Variants in FHIT observed in about 807,000 individuals in gnomAD.
FHIT encodes fragile histidine triad diadenosine triphosphatase, also known as bis(5'-adenosyl)-triphosphatase.
FHIT carries 19 observed loss-of-function variants against 17.9 expected under a neutral mutation model. That is an observed-to-expected ratio of 1.06 (90% CI 0.74 to 1.56). FHIT has a LOEUF of 1.56. Among genes scored for constraint, FHIT ranks in the 40% most tolerant of loss-of-function variants. The pLI is 0.00. For missense variants in FHIT, 248 were observed against 189.2 expected, an observed-to-expected ratio of 1.31 and a Z score of -1.82; for synonymous variants, 81 against 69.7, an observed-to-expected ratio of 1.16 and a Z score of -0.81.
intron 5 of FHIT, among the ~76,000 whole-genome samples, chr3:60,057,062 T>G (rs932924055): frequency 4.6e-5 from 7 of 152,180 alleles, no homozygotes; most frequent in African/African-American, 1.7e-4. Flanking sequence ...CTATTATGCA[T>G]GTCTTCATTC....
chr3:60,368,898 C>G (rs955666801), intron 5 of FHIT, among the ~76,000 whole-genome samples: 1 of 151,900 alleles, frequency 6.6e-6, no homozygotes, highest in Non-Finnish European at 1.5e-5. Flanking sequence ...GCTCAAAGTT[C>G]ACTGACCTTT....
chr3:60,804,358 C>G (rs2106681058), intron 4 of FHIT, among the ~76,000 whole-genome samples: 1 of 152,254 alleles, frequency 6.6e-6, no homozygotes, highest in South Asian at 2.1e-4. Flanking sequence ...AATCTATCGA[C>G]CCCCAGTACT....
intron 2 of FHIT, among the ~76,000 whole-genome samples, chr3:61,067,534 G>A (rs968319632): frequency 2.0e-5 from 3 of 146,908 alleles, no homozygotes; most frequent in African/African-American, 7.6e-5. Context: ...TTGGGGGTCA[G>A]CCACATAGAC....
intron 5 of FHIT, among the ~76,000 whole-genome samples, chr3:60,493,092 C>A (rs1033433760): frequency 2.0e-5 from 3 of 152,050 alleles, no homozygotes; most frequent in Non-Finnish European, 4.4e-5. Context: ...ATGGTTCTTA[C>A]TTGTCGAGAA....
At chr3:59,801,607 T>G (rs1195140815) in intron 8 of FHIT, among the ~76,000 whole-genome samples, 1 of 151,996 alleles carries the variant, frequency 6.6e-6, no homozygotes, top group Non-Finnish European at 1.5e-5. Flanking sequence ...TAAGCCTAAA[T>G]TTTATTAAAC....
chr3:60,036,978 G>C (rs150400076), intron 5 of FHIT, among the ~76,000 whole-genome samples: 199 of 152,296 alleles, frequency 1.3e-3, no homozygotes, highest in African/African-American at 4.6e-3. Flanking sequence ...TGCCTCTAGT[G>C]AAAGGAGATT....
intron 7 of FHIT, among the ~76,000 whole-genome samples, chr3:60,009,286 A>G (rs1700051786): frequency 6.7e-6 from 1 of 149,580 alleles, no homozygotes; most frequent in South Asian, 2.1e-4. Context: ...TATCCCCATT[A>G]TTTCATATCA....
intron 7 of FHIT, among the ~76,000 whole-genome samples, chr3:59,988,578 G>C (rs148796684): frequency 1.3e-5 from 2 of 151,804 alleles, no homozygotes; most frequent in Non-Finnish European, 2.9e-5. Context: ...TGTATCTGGC[G>C]CTCCTCTAAG....
intron 5 of FHIT, chr3:60,077,463 A>T (rs1202411047): frequency 6.6e-6 from 1 of 152,114 alleles, no homozygotes; most frequent in East Asian, 1.9e-4. Flanking sequence ...TGGCTCCATT[A>T]ATGGGACAGG....
intron 5 of FHIT, among the ~76,000 whole-genome samples, chr3:60,523,271 T>C (rs1429404495): frequency 2.0e-5 from 3 of 152,194 alleles, no homozygotes; most frequent in African/African-American, 7.2e-5. Context: ...TGCACTAATC[T>C]CACTTTTGGT....
chr3:60,561,039 G>T (rs12054454), intron 4 of FHIT, among the ~76,000 whole-genome samples: 1 of 151,782 alleles, frequency 6.6e-6, no homozygotes, highest in East Asian at 2.0e-4. Context: ...ACAAACATCA[G>T]CTGAATGAAC....
chr3:60,335,432 A>AATTC (rs1365588739), intron 5 of FHIT, among the ~76,000 whole-genome samples: 1 of 152,208 alleles, frequency 6.6e-6, no homozygotes, highest in Non-Finnish European at 1.5e-5. Flanking sequence ...TGATAAACTG[A>AATTC]AGATCTCTGC....
intron 2 of FHIT, among the ~76,000 whole-genome samples, chr3:61,053,344 T>C (rs2034096375): frequency 2.0e-5 from 3 of 152,260 alleles, no homozygotes; most frequent in East Asian, 3.9e-4. Context: ...AAGAAGTTAA[T>C]GATTCTTGGG....
At chr3:60,113,739 C>T (rs79424112) in intron 5 of FHIT, among the ~76,000 whole-genome samples, 16,469 of 150,958 alleles carry the variant, frequency 0.11, 1,105 homozygotes, top group Admixed American at 0.15. Flanking sequence ...CGGTGGCTCA[C>T]ACCTGTTATC....
Position 60,981,361 on chromosome 3 carries a change from G to A in FHIT, c.-111+60686C>T, listed in dbSNP as rs142629836. ...ACTCTGTCACCCAGGCTGGAGTGCA[G>A]TAGCGTGATCTTAGCTCACTGCAAT... is the stretch of plus-strand genomic sequence containing the variant. On this transcript the variant is annotated intron_variant, in intron 3 of 9. Coordinates refer to ENST00000492590, the MANE Select transcript of FHIT (RefSeq NM_002012.4). Among the ~76,000 whole-genome samples, 1,340 of 142,204 alleles carry A rather than the reference G, an allele frequency of 9.4e-3. 16 individuals are homozygous for A. Among genetic ancestry groups the A allele is most frequent in the African/African-American group, 0.033 (1,260 of 37,932 alleles). 93.3% of individuals were successfully genotyped at this position (142,204 alleles called of 152,430 possible).
intron 2 of FHIT, among the ~76,000 whole-genome samples, chr3:61,045,538 T>C (rs2033740828): frequency 6.6e-6 from 1 of 152,154 alleles, no homozygotes; most frequent in Non-Finnish European, 1.5e-5. Context: ...ACAATAATAA[T>C]GGGAGGCTTT....
intron 8 of FHIT, among the ~76,000 whole-genome samples, chr3:59,874,515 T>C (rs1314240269): frequency 2.0e-5 from 3 of 152,154 alleles, no homozygotes; most frequent in Non-Finnish European, 4.4e-5. Flanking sequence ...CAGGTGATGC[T>C]GATGCTGCTG....
chr3:60,276,270 G>A (rs1707129798), intron 5 of FHIT, among the ~76,000 whole-genome samples: 1 of 152,198 alleles, frequency 6.6e-6, no homozygotes, highest in Admixed American at 6.5e-5. Context: ...ACAGGCATGA[G>A]CCACTGCACC....
intron 3 of FHIT, chr3:60,856,451 T>C (rs1030636297): frequency 6.6e-6 from 1 of 152,102 alleles, no homozygotes; most frequent in Admixed American, 6.6e-5. Flanking sequence ...CAATGATCAA[T>C]GGCAAATGGC....
Sources: allele counts gnomAD v4.1 joint callset (sites outside exome capture counted in the v4.1 genomes callset), GRCh38; gene constraint gnomAD v4.1.1; transcripts MANE v1.5; gene names NCBI Gene and HGNC (gene_info 2026-07-23, HGNC 2026-07-21).